The following SLC30A8 variants were observed in gnomAD, a reference collection of about 807,000 sequenced individuals.
SLC30A8 encodes the protein proton-coupled zinc antiporter SLC30A8.
Under a neutral mutation model 36.9 loss-of-function variants are expected in SLC30A8, and 27 were observed. That is an observed-to-expected ratio of 0.73 (90% confidence interval 0.54 to 1.01). The LOEUF (loss-of-function observed/expected upper bound fraction) is 1.01. Ranked by LOEUF, SLC30A8 falls within the 50% of genes least tolerant of loss-of-function variation. The pLI is 0.00. For missense variants in SLC30A8, 439 were observed against 452.0 expected, an observed-to-expected ratio of 0.97 and a Z score of 0.26; for synonymous variants, 164 against 172.4, an observed-to-expected ratio of 0.95 and a Z score of 0.38.
intron 1 of SLC30A8, among the ~76,000 whole-genome samples, chr8:117,013,657 A>T (rs182764736): frequency 6.6e-6 from 1 of 152,246 alleles, no homozygotes; most frequent in Non-Finnish European, 1.5e-5. Flanking sequence ...AAGCTTTGGG[A>T]TGAAGATGGA....
chr8:116,973,848 C>T lies in SLC30A8; in HGVS notation c.-266+22729C>T, dbSNP rs544088399. Among the ~76,000 whole-genome samples, 124 of 152,208 alleles carry T rather than the reference C, an allele frequency of 8.1e-4. 2 individuals are homozygous for T. Among genetic ancestry groups the T allele is most frequent in the Admixed American group, 8.0e-3 (122 of 15,278 alleles). On this transcript the variant is annotated intron_variant, in intron 1 of 10. Coordinates refer to the SLC30A8 transcript ENST00000427715. ...AGTGGTACCAAAACAGAGATATAGACCAATGGAACAGAAAAGAGCTCTCAG... is the reference window on the plus strand; with the variant it reads ...AGTGGTACCAAAACAGAGATATAGATCAATGGAACAGAAAAGAGCTCTCAG...
At chr8:116,985,464 A>G (rs1342590178) in intron 1 of SLC30A8, among the ~76,000 whole-genome samples, 4 of 152,188 alleles carry the variant, frequency 2.6e-5, no homozygotes, top group Admixed American at 1.3e-4. Flanking sequence ...TGCTAATAAT[A>G]GAAAATTAGG....
At chr8:117,100,975 C>T (rs969041837) in intron 2 of SLC30A8, among the ~76,000 whole-genome samples, 2 of 152,110 alleles carry the variant, frequency 1.3e-5, no homozygotes, top group African/African-American at 4.8e-5. Flanking sequence ...GGAGTATAAA[C>T]AAGTTCAAAC....
At chr8:117,038,186 T>C (rs1817275155) in intron 1 of SLC30A8, among the ~76,000 whole-genome samples, 1 of 152,214 alleles carries the variant, frequency 6.6e-6, no homozygotes, top group South Asian at 2.1e-4. Context: ...ATGCAAATGA[T>C]ACAAGAAAGT....
At chr8:117,150,997 C>T (rs1453748844) in intron 2 of SLC30A8, among the ~76,000 whole-genome samples, 1 of 151,472 alleles carries the variant, frequency 6.6e-6, no homozygotes, top group Non-Finnish European at 1.5e-5. Context: ...ACATTCAAAC[C>T]CTTTGGCTTG....
intron 5 of SLC30A8, 44 bp from the exon 6 acceptor site, chr8:117,163,377 AAGAG>A (rs1822890629): frequency 7.2e-7 from 1 of 1,396,286 alleles, no homozygotes; most frequent in Non-Finnish European, 1.0e-6. Context: ...GACTTTCTGA[AAGAG>A]AGGTATGAAT....
At chr8:117,058,668 C>T (rs959932234) in intron 2 of SLC30A8, among the ~76,000 whole-genome samples, 9 of 152,154 alleles carry the variant, frequency 5.9e-5, no homozygotes, top group South Asian at 2.1e-4. Flanking sequence ...GACTGCCACC[C>T]GGTTTTGCAT....
At position 116,960,182 on chromosome 8, in the gene SLC30A8, AATGT is replaced by A. The variant is rs1410871079; in HGVS notation, c.-266+9069_-266+9072del. On this transcript the variant is annotated intron_variant, in intron 1 of 10. Transcript: ENST00000427715. ...TTATTTTGTTTGTTTCAGGTGGGAA[AATGT>A]ATGTAGCCCTAGCTGAAGCTGCCTA... 3.3e-5 allele frequency among the ~76,000 whole-genome samples: 5 copies of A among 152,330 alleles called. No homozygotes were observed. In the East Asian group the frequency reaches 9.6e-4, roughly 29 times the overall value.
intron 1 of SLC30A8, among the ~76,000 whole-genome samples, chr8:117,038,803 G>T (rs1395384307): frequency 6.6e-6 from 1 of 152,184 alleles, no homozygotes; most frequent in Non-Finnish European, 1.5e-5. Flanking sequence ...CAATTCCCCT[G>T]GGTAACCAAT....
At chr8:117,115,136 C>T (rs536779234) in intron 2 of SLC30A8, among the ~76,000 whole-genome samples, 19 of 152,074 alleles carry the variant, frequency 1.2e-4, no homozygotes, top group African/African-American at 4.3e-4. Flanking sequence ...GACAGGGTCT[C>T]ATTCTGTTGA....
At chr8:117,132,586 G>A (rs987097925), upstream of SLC30A8, among the ~76,000 whole-genome samples, 1 of 151,978 alleles carries the variant, frequency 6.6e-6, no homozygotes, top group Non-Finnish European at 1.5e-5. Flanking sequence ...ACAGGGGATG[G>A]GATTTTCCTT....
At chr8:116,969,259 A>C (rs1389916072) in intron 1 of SLC30A8, among the ~76,000 whole-genome samples, 1 of 152,098 alleles carries the variant, frequency 6.6e-6, no homozygotes, top group East Asian at 1.9e-4. Flanking sequence ...CTCTACTAAA[A>C]ATACAAAAAT....
intron 2 of SLC30A8, among the ~76,000 whole-genome samples, chr8:117,067,256 A>T (rs1254328235): frequency 2.6e-5 from 4 of 152,174 alleles, no homozygotes; most frequent in African/African-American, 7.2e-5. Flanking sequence ...TTGGGTGGGG[A>T]CACAGAGCCA....
intron 1 of SLC30A8, among the ~76,000 whole-genome samples, chr8:117,037,699 A>G (rs1267742254): frequency 6.6e-6 from 1 of 152,214 alleles, no homozygotes; most frequent in African/African-American, 2.4e-5. Flanking sequence ...AACACCACTT[A>G]GAATAATGAG....
At chr8:116,991,173 C>T (rs893261246) in intron 1 of SLC30A8, among the ~76,000 whole-genome samples, 23 of 152,130 alleles carry the variant, frequency 1.5e-4, no homozygotes, top group Non-Finnish European at 2.9e-4. Context: ...GAAGAATAGT[C>T]ATCGTTTTAA....
At chr8:116,959,822 A>G (rs1814355333) in intron 1 of SLC30A8, among the ~76,000 whole-genome samples, 1 of 152,116 alleles carries the variant, frequency 6.6e-6, no homozygotes, top group South Asian at 2.1e-4. Flanking sequence ...GCCCTTTCAG[A>G]TCGTTCTTTC....
At chr8:117,119,131 C>G (rs969084925) in intron 2 of SLC30A8, among the ~76,000 whole-genome samples, 1 of 151,788 alleles carries the variant, frequency 6.6e-6, no homozygotes, top group African/African-American at 2.4e-5. Context: ...GGAAAAGGTT[C>G]CAGATAGGCT....
intron 2 of SLC30A8, among the ~76,000 whole-genome samples, chr8:117,147,764 G>A (rs1024323225): frequency 6.6e-6 from 1 of 152,142 alleles, no homozygotes; most frequent in African/African-American, 2.4e-5. Context: ...ACTTGAGAAT[G>A]ATTCTGACTC....
At chr8:117,155,724 T>C (rs1389782739) in intron 3 of SLC30A8, among the ~76,000 whole-genome samples, 2 of 152,220 alleles carry the variant, frequency 1.3e-5, no homozygotes, top group Admixed American at 6.5e-5. Flanking sequence ...CTCACAGTTA[T>C]GAGAAACAGA....
Sources: allele counts gnomAD v4.1 joint callset (sites outside exome capture counted in the v4.1 genomes callset), GRCh38; gene constraint gnomAD v4.1.1; transcripts MANE v1.5; gene names NCBI Gene and HGNC (gene_info 2026-07-23, HGNC 2026-07-21).